Variants in LIPA observed in about 807,000 individuals in gnomAD.
LIPA encodes the protein lysosomal acid lipase/cholesteryl ester hydrolase.
LIPA carries 26 observed loss-of-function variants against 40.6 expected under a neutral mutation model. That is an observed-to-expected ratio of 0.64 (90% CI 0.47 to 0.89). LIPA has a LOEUF of 0.89. Ranked by LOEUF, LIPA falls within the 40% of genes least tolerant of loss-of-function variation. LIPA has a pLI of 0.00. For missense variants in LIPA, 455 were observed against 479.6 expected (o/e 0.95, Z 0.48); for synonymous variants, 188 against 168.4 (o/e 1.12, Z -0.90).
intron 2 of LIPA, among the ~76,000 whole-genome samples, chr10:89,386,018 G>T (rs932744650): frequency 2.0e-5 from 3 of 152,308 alleles, no homozygotes; most frequent in South Asian, 2.1e-4. Context: ...ACCTGACCAA[G>T]AATTTTTATA....
chr10:89,359,429 C>T (rs542359313), intron 2 of LIPA, among the ~76,000 whole-genome samples: 8 of 152,334 alleles, frequency 5.3e-5, no homozygotes, highest in Non-Finnish European at 1.0e-4. Context: ...TTGTTAACTG[C>T]ATTCCTGGTC....
intron 2 of LIPA, among the ~76,000 whole-genome samples, chr10:89,367,083 C>A (rs1844061667): frequency 1.3e-5 from 2 of 151,612 alleles, no homozygotes; most frequent in African/African-American, 2.4e-5. Flanking sequence ...GGACAAAAAA[C>A]CAAACACTGC....
intron 2 of LIPA, among the ~76,000 whole-genome samples, chr10:89,373,303 C>A (rs1489440386): frequency 6.8e-6 from 1 of 146,828 alleles, no homozygotes; most frequent in Non-Finnish European, 1.5e-5. Context: ...CCACTGCACT[C>A]CAGCCTGGGC....
At chr10:89,325,643 T>A (rs1843594038) in intron 1 of LIPA, among the ~76,000 whole-genome samples, 1 of 152,152 alleles carries the variant, frequency 6.6e-6, no homozygotes, top group Admixed American at 6.6e-5. Flanking sequence ...ATGTTCTCAC[T>A]TATAAGTGGG....
chr10:89,293,010 T>C (rs1375603958), intron 1 of LIPA, among the ~76,000 whole-genome samples: 2 of 152,144 alleles, frequency 1.3e-5, no homozygotes, highest in Admixed American at 1.3e-4. Flanking sequence ...ATGGTTTGGC[T>C]TTGTGTCCCC....
At chr10:89,252,545 C>T (rs1589578165), upstream of LIPA, among the ~76,000 whole-genome samples, 1 of 152,180 alleles carries the variant, frequency 6.6e-6, no homozygotes, top group Non-Finnish European at 1.5e-5. Context: ...CAGTGGCTCA[C>T]GCCTGTAATC....
intron 5 of LIPA, 92 bp from the exon 6 acceptor site, chr10:89,225,320 C>T (rs1291784007): frequency 4.2e-6 from 5 of 1,186,254 alleles, no homozygotes; most frequent in Middle Eastern, 2.1e-4. Context: ...CGCCCTCTCG[C>T]GGAGGCCTGA....
At chr10:89,372,371 T>A (rs2133597943) in intron 2 of LIPA, among the ~76,000 whole-genome samples, 1 of 152,320 alleles carries the variant, frequency 6.6e-6, no homozygotes, top group Middle Eastern at 3.4e-3. Flanking sequence ...GGATTATGAT[T>A]TTGCCAAACA....
chr10:89,391,858 A>AAAT (rs1261463288), intron 2 of LIPA, among the ~76,000 whole-genome samples: 4 of 152,136 alleles, frequency 2.6e-5, no homozygotes, highest in African/African-American at 7.2e-5. Flanking sequence ...TGATGACTGA[A>AAAT]AATAATAATA....
chr10:89,393,043 C>T, intron 2 of LIPA: 1 of 887,414 alleles, frequency 1.1e-6, no homozygotes, highest in Non-Finnish European at 1.6e-6. Flanking sequence ...CCATCAGATT[C>T]ACTTCTGTCT....
At chr10:89,353,894 T>C (rs1351700605) in intron 2 of LIPA, among the ~76,000 whole-genome samples, 2 of 151,746 alleles carry the variant, frequency 1.3e-5, no homozygotes, top group Non-Finnish European at 2.9e-5. Flanking sequence ...TGAGCCGAGA[T>C]CACGCCACTG....
intron 1 of LIPA, among the ~76,000 whole-genome samples, chr10:89,257,068 A>C (rs1034502435): frequency 6.6e-6 from 1 of 152,242 alleles, no homozygotes; most frequent in Non-Finnish European, 1.5e-5. Context: ...AGAATAAATA[A>C]GTTGTTTTGA....
intron 1 of LIPA, among the ~76,000 whole-genome samples, chr10:89,316,859 T>A (rs965261208): frequency 2.6e-5 from 4 of 152,104 alleles, no homozygotes; most frequent in African/African-American, 9.7e-5. Flanking sequence ...TACGGCAGAG[T>A]GCACCTCTGC....
intron 3 of LIPA, among the ~76,000 whole-genome samples, chr10:89,242,813 T>C (rs985332710): frequency 6.6e-6 from 1 of 152,244 alleles, no homozygotes; most frequent in Non-Finnish European, 1.5e-5. Flanking sequence ...GTCTTGAAAT[T>C]CTTTCTTTCT....
intron 1 of LIPA, among the ~76,000 whole-genome samples, chr10:89,280,689 A>G (rs1713202023): frequency 6.6e-6 from 1 of 152,210 alleles, no homozygotes; most frequent in African/African-American, 2.4e-5. Context: ...GGAAGTCTGA[A>G]GTTTTCTTCA....
At chr10:89,411,926 T>C (rs893854900) in intron 2 of LIPA, among the ~76,000 whole-genome samples, 1 of 152,216 alleles carries the variant, frequency 6.6e-6, no homozygotes, top group African/African-American at 2.4e-5. Flanking sequence ...TACTTGTCTT[T>C]GGGCCCTGTG....
intron 1 of LIPA, among the ~76,000 whole-genome samples, chr10:89,269,223 G>A (rs188410916): frequency 3.3e-5 from 5 of 151,952 alleles, no homozygotes; most frequent in Non-Finnish European, 7.4e-5. Context: ...CCAGCTACTC[G>A]GGAGGCTGAG....
intron 1 of LIPA, among the ~76,000 whole-genome samples, chr10:89,341,213 T>C (rs1370637316): frequency 1.3e-5 from 2 of 152,204 alleles, no homozygotes; most frequent in Admixed American, 6.5e-5. Context: ...AGTTAGCAGC[T>C]GCTGCTGTAG....
At chr10:89,394,602 A>ATTT (rs1844310842) in intron 2 of LIPA, among the ~76,000 whole-genome samples, 1 of 32,624 alleles carries the variant, frequency 3.1e-5, no homozygotes, top group Admixed American at 2.8e-4. Flanking sequence ...ATATATATAT[A>ATTT]TATATATATA....
Sources: allele counts gnomAD v4.1 joint callset (sites outside exome capture counted in the v4.1 genomes callset), GRCh38; gene constraint gnomAD v4.1.1; transcripts MANE v1.5; gene names NCBI Gene and HGNC (gene_info 2026-07-23, HGNC 2026-07-21).